The following APBA1 variants were observed in gnomAD, a reference collection of about 807,000 sequenced individuals.
The protein encoded by APBA1 is amyloid-beta A4 precursor protein-binding family A member 1.
Under a neutral mutation model 86.6 loss-of-function variants are expected in APBA1, and 55 were observed. The ratio of observed to expected loss-of-function variants is 0.64; its 90% CI spans 0.51 to 0.80. APBA1 has a LOEUF of 0.80. APBA1 is among the 30% of genes least tolerant of loss of function. APBA1 has a pLI of 0.00. For synonymous variants in APBA1, 511 were observed against 493.9 expected, an observed-to-expected ratio of 1.03 and a Z score of -0.46; for missense variants, 1,090 against 1,183.0, an observed-to-expected ratio of 0.92 and a Z score of 1.15.
intron 1 of APBA1, among the ~76,000 whole-genome samples, chr9:69,649,893 T>C (rs968292825): frequency 3.3e-5 from 5 of 152,158 alleles, no homozygotes; most frequent in Non-Finnish European, 7.4e-5. Flanking sequence ...TTTTTAAAGA[T>C]AGTGACAGCC....
chr9:69,583,151 T>C (rs1821948542), intron 1 of APBA1, among the ~76,000 whole-genome samples: 1 of 152,132 alleles, frequency 6.6e-6, no homozygotes, highest in Non-Finnish European at 1.5e-5. Flanking sequence ...ATTAAATGAA[T>C]TGCCAGGTGG....
At chr9:69,436,585 T>TAC in intron 11 of APBA1, among the ~76,000 whole-genome samples, 1 of 127,410 alleles carries the variant, frequency 7.8e-6, no homozygotes, top group African/African-American at 3.1e-5. Flanking sequence ...CTGTTTGTTG[T>TAC]TGGTGTATAA....
rs148904369 is a variant in APBA1, at chr9:69,488,089, G to A, written c.1201-11946C>T. Among the ~76,000 whole-genome samples the A allele has an allele frequency of 3.0e-3, 451 of 152,198 alleles. 5 individuals are homozygous for A. The highest frequency in any genetic ancestry group is 0.01 in the African/African-American group (418 of 41,516). ...AGCTGCTGACAATGGAGAAACTGGC[G>A]GGGTTGCACTGGTTAGAGAAGGAGT... On this transcript the variant is annotated intron_variant, in intron 2 of 12. Coordinates refer to ENST00000265381, the MANE Select transcript of APBA1 (RefSeq NM_001163.4).
chr9:69,491,283 G>T (rs985839835), intron 2 of APBA1, among the ~76,000 whole-genome samples: 1 of 151,980 alleles, frequency 6.6e-6, no homozygotes, highest in Admixed American at 6.6e-5. Flanking sequence ...CCATAAAAAA[G>T]GATGAGTTCA....
At chr9:69,457,225 G>A in intron 6 of APBA1, 86 bp from the exon 7 acceptor site, 12 of 982,818 alleles carry the variant, frequency 1.2e-5, no homozygotes, top group Non-Finnish European at 2.0e-5. Context: ...TCACACAGAG[G>A]CACCACGACA....
chr9:69,604,167 G>T (rs1006426898), intron 1 of APBA1, among the ~76,000 whole-genome samples: 1 of 152,226 alleles, frequency 6.6e-6, no homozygotes, highest in Non-Finnish European at 1.5e-5. Flanking sequence ...TTTGTGGGGG[G>T]GTGTGCACAT....
At chr9:69,566,966 TG>T (rs1837036546) in intron 1 of APBA1, among the ~76,000 whole-genome samples, 1 of 152,198 alleles carries the variant, frequency 6.6e-6, no homozygotes, top group East Asian at 1.9e-4. Flanking sequence ...TATTTCTTCC[TG>T]TATCCCAACT....
At chr9:69,545,388 C>T (rs1285532596) in intron 1 of APBA1, among the ~76,000 whole-genome samples, 8 of 152,174 alleles carry the variant, frequency 5.3e-5, no homozygotes, top group Admixed American at 5.2e-4. Context: ...GTTCTTGGAA[C>T]CTGTAAGACA....
At chr9:69,450,747 G>A (rs1197267804) in intron 9 of APBA1, among the ~76,000 whole-genome samples, 2 of 151,944 alleles carry the variant, frequency 1.3e-5, no homozygotes, top group African/African-American at 4.8e-5. Context: ...TTTAAATGAG[G>A]TGATTAATAT....
chr9:69,519,331 G>GTC (rs1490271873), intron 1 of APBA1, among the ~76,000 whole-genome samples: 1 of 152,188 alleles, frequency 6.6e-6, no homozygotes, highest in Non-Finnish European at 1.5e-5. Flanking sequence ...TCCAATACTG[G>GTC]TCCATGGCCC....
At chr9:69,626,568 A>G (rs2133994262) in intron 1 of APBA1, among the ~76,000 whole-genome samples, 1 of 152,278 alleles carries the variant, frequency 6.6e-6, no homozygotes, top group East Asian at 1.9e-4. Context: ...ATAAACAAAC[A>G]TCTCCTGAAA....
At position 69,598,289 on chromosome 9, in the gene APBA1, G is replaced by A. The variant is rs768223732; in HGVS notation, c.-70+73864C>T. On this transcript the variant is annotated intron_variant, in intron 1 of 12. Transcript: ENST00000265381. ...CACACTCTGGGGACTGTGGTGGGGT[G>A]GGGGCACGGGGGAGGGATAGCATTG... Among the ~76,000 whole-genome samples, 118 of 152,110 alleles carry A rather than the reference G, an allele frequency of 7.8e-4. 1 individual carries two copies. The highest frequency in any genetic ancestry group is 2.3e-3 in the South Asian group (11 of 4,804).
At chr9:69,553,920 T>C (rs904527371) in intron 1 of APBA1, among the ~76,000 whole-genome samples, 3 of 152,202 alleles carry the variant, frequency 2.0e-5, no homozygotes, top group Admixed American at 6.5e-5. Flanking sequence ...TATGGTCTTA[T>C]TGGTTTTTCT....
intron 1 of APBA1, among the ~76,000 whole-genome samples, chr9:69,559,308 C>T (rs1221249671): frequency 6.6e-6 from 1 of 152,166 alleles, no homozygotes; most frequent in African/African-American, 2.4e-5. Flanking sequence ...GGGTTTGGCT[C>T]AATGAATCTT....
chr9:69,439,557 C>T (rs113533185), intron 11 of APBA1, among the ~76,000 whole-genome samples: 17 of 152,170 alleles, frequency 1.1e-4, no homozygotes, highest in Non-Finnish European at 2.1e-4. Context: ...TGCTGATACC[C>T]TTTCTTCCAG....
chr9:69,501,611 AAG>A (rs1195446696), intron 2 of APBA1, among the ~76,000 whole-genome samples: 3 of 150,022 alleles, frequency 2.0e-5, no homozygotes, highest in Non-Finnish European at 4.4e-5. Context: ...GCAACATAAC[AAG>A]ACTCTGTCTC....
At chr9:69,648,647 G>A (rs755985869) in intron 1 of APBA1, among the ~76,000 whole-genome samples, 14 of 152,128 alleles carry the variant, frequency 9.2e-5, no homozygotes, top group Admixed American at 2.6e-4. Context: ...AGTCCCAGAT[G>A]CAGTTCAGGG....
At chr9:69,652,438 G>A (rs932929593) in intron 1 of APBA1, among the ~76,000 whole-genome samples, 1 of 152,172 alleles carries the variant, frequency 6.6e-6, no homozygotes, top group African/African-American at 2.4e-5. Flanking sequence ...AAATAAGTGT[G>A]TGTGTGTTTC....
intron 2 of APBA1, among the ~76,000 whole-genome samples, chr9:69,481,886 A>C (rs1466954353): frequency 6.6e-6 from 1 of 152,060 alleles, no homozygotes; most frequent in Non-Finnish European, 1.5e-5. Flanking sequence ...TTCCCTATTT[A>C]ATAAATAGTG....
Sources: allele counts gnomAD v4.1 joint callset (sites outside exome capture counted in the v4.1 genomes callset), GRCh38; gene constraint gnomAD v4.1.1; transcripts MANE v1.5; gene names NCBI Gene and HGNC (gene_info 2026-07-23, HGNC 2026-07-21).